Variants in ZNF131 observed in about 807,000 individuals in gnomAD.
ZNF131 encodes the protein zinc finger and BTB domain containing 35, also known as zinc finger protein 131.
Under a neutral mutation model 60.0 loss-of-function variants are expected in ZNF131, and 7 were observed. That is an observed-to-expected ratio of 0.12 (90% CI 0.07 to 0.22). The LOEUF (loss-of-function observed/expected upper bound fraction) is 0.22. Among genes scored for constraint, ZNF131 ranks in the 10% least tolerant of loss-of-function variants. ZNF131 has a pLI of 1.00. For synonymous variants in ZNF131, 257 were observed against 253.2 expected, an observed-to-expected ratio of 1.01 and a Z score of -0.14; for missense variants, 493 against 740.9, an observed-to-expected ratio of 0.67 and a Z score of 3.88.
intron 3 of ZNF131, among the ~76,000 whole-genome samples, chr5:43,135,856 G>A (rs764731823): frequency 3.9e-5 from 6 of 152,250 alleles, no homozygotes; most frequent in South Asian, 2.1e-4. Context: ...AGTGGCTCAC[G>A]CCTATAGTCC....
chr5:43,172,330 C>A (rs1405596746), intron 5 of ZNF131, among the ~76,000 whole-genome samples: 1 of 151,972 alleles, frequency 6.6e-6, no homozygotes, highest in African/African-American at 2.4e-5. Context: ...ATCACTTAAC[C>A]CCTAATTTGG....
intron 4 of ZNF131, among the ~76,000 whole-genome samples, chr5:43,157,789 G>A (rs1749142981): frequency 6.6e-6 from 1 of 152,192 alleles, no homozygotes; most frequent in Non-Finnish European, 1.5e-5. Context: ...CATCGTTTTT[G>A]CCTCTTCTGG....
intron 5 of ZNF131, among the ~76,000 whole-genome samples, chr5:43,169,801 T>C (rs1417485070): frequency 6.6e-6 from 1 of 152,020 alleles, no homozygotes; most frequent in Non-Finnish European, 1.5e-5. Flanking sequence ...TTTTCTTTTT[T>C]TTTTTTTGAG....
chr5:43,175,042 A>G lies in ZNF131; in HGVS notation c.1781A>G (p.Asp594Gly). ...AAEAAREDHEDAEDLETKPTV... is the reference protein window; with the variant it reads ...AAEAAREDHEGAEDLETKPTV... ...GAGGCTGCCAGGGAAGATCACGAAGATGCTGAGGATTTAGAGACCAAGCCA... is the reference window on the plus strand; with the variant it reads ...GAGGCTGCCAGGGAAGATCACGAAGGTGCTGAGGATTTAGAGACCAAGCCA... Residue 594 changes from aspartate (D) to glycine (G), a missense_variant, in exon 7 of 7, where the codon GAT (aspartate) becomes GGT (glycine). Asp to Gly is a moderately conservative substitution (Grantham distance 94). Transcript: ENST00000682664. The G allele has an allele frequency of 6.2e-7, 1 of 1,614,206 alleles. No homozygotes were observed. The highest frequency in any genetic ancestry group is 8.5e-7 in the Non-Finnish European group (1 of 1,180,038).
chr5:43,160,157 CAG>C (rs1250706117), intron 4 of ZNF131, among the ~76,000 whole-genome samples: 4 of 133,760 alleles, frequency 3.0e-5, no homozygotes, highest in Non-Finnish European at 6.4e-5. Context: ...GCCTGGGTGA[CAG>C]AGCGAGACTC....
intron 4 of ZNF131, among the ~76,000 whole-genome samples, chr5:43,148,944 G>A (rs954559664): frequency 2.6e-5 from 4 of 152,106 alleles, no homozygotes; most frequent in African/African-American, 9.7e-5. Flanking sequence ...GCATGTAATA[G>A]TATGGTAGTG....
At chr5:43,158,523 C>A (rs1010700528) in intron 4 of ZNF131, among the ~76,000 whole-genome samples, 1 of 152,230 alleles carries the variant, frequency 6.6e-6, no homozygotes, top group Admixed American at 6.5e-5. Flanking sequence ...CTCCTGACCT[C>A]AGTTGATCCT....
At chr5:43,154,522 A>G (rs974152067) in intron 4 of ZNF131, among the ~76,000 whole-genome samples, 11 of 152,188 alleles carry the variant, frequency 7.2e-5, no homozygotes, top group African/African-American at 2.7e-4. Flanking sequence ...AGTCGGAGAC[A>G]ATGCTCTGTG....
rs545468588 is a variant in ZNF131, at chr5:43,148,651, G to A, written c.371+9342G>A. ...TTAATAAAACGTTGACATAAAACATGCTACTACTGTTAGGCCAGAGTTTGC... is the reference window on the plus strand; with the variant it reads ...TTAATAAAACGTTGACATAAAACATACTACTACTGTTAGGCCAGAGTTTGC... On this transcript the variant is annotated intron_variant, in intron 4 of 6. Transcript: ENST00000682664. Among the ~76,000 whole-genome samples the A allele has an allele frequency of 7.9e-5, 12 of 152,294 alleles. No homozygotes were observed. The South Asian group carries it at 2.5e-3, about 32-fold the overall frequency.
intron 4 of ZNF131, chr5:43,143,280 C>T (rs1747100536): frequency 5.8e-6 from 5 of 863,854 alleles, no homozygotes; most frequent in African/African-American, 1.8e-5. Context: ...CTCTGCCTCC[C>T]AAAGTGCTGG....
chr5:43,142,355 T>A (rs887667604), intron 4 of ZNF131, among the ~76,000 whole-genome samples: 2 of 138,342 alleles, frequency 1.4e-5, no homozygotes, highest in African/African-American at 5.2e-5. Flanking sequence ...GACTGGAGAG[T>A]ACACTGGTGA....
chr5:43,129,811 C>T (rs963610546), intron 3 of ZNF131, among the ~76,000 whole-genome samples: 1 of 152,102 alleles, frequency 6.6e-6, no homozygotes, highest in Non-Finnish European at 1.5e-5. Context: ...CGTGCCACCA[C>T]GCCCGGCTAC....
intron 5 of ZNF131, chr5:43,167,949 C>G (rs1750561854): frequency 4.4e-6 from 2 of 453,022 alleles, no homozygotes; most frequent in Middle Eastern, 6.5e-4. Flanking sequence ...CTAAGAAGTT[C>G]ACTGTTATGA....
chr5:43,156,371 C>A (rs1270629153), intron 4 of ZNF131, among the ~76,000 whole-genome samples: 1 of 152,106 alleles, frequency 6.6e-6, no homozygotes, highest in Non-Finnish European at 1.5e-5. Flanking sequence ...TGCTTTCAGT[C>A]CCCTTTGGGA....
chr5:43,149,648 T>G (rs1748056218), intron 4 of ZNF131, among the ~76,000 whole-genome samples: 1 of 152,234 alleles, frequency 6.6e-6, no homozygotes, highest in African/African-American at 2.4e-5. Context: ...CATTTTACAT[T>G]CCATTCTGCA....
chr5:43,125,794 A>G (rs1302103902), intron 3 of ZNF131, among the ~76,000 whole-genome samples: 1 of 151,878 alleles, frequency 6.6e-6, no homozygotes, highest in Non-Finnish European at 1.5e-5. Context: ...GAAAAAAAAA[A>G]GGAAAAGTGG....
chr5:43,173,406 A>T lies in ZNF131; in HGVS notation c.1143A>T (p.Gly381=). The T allele has an allele frequency of 3.1e-6, 5 of 1,613,620 alleles. No individual in the cohort carries two copies. The highest frequency in any genetic ancestry group is 4.2e-6 in the Non-Finnish European group (5 of 1,179,632). The change falls in exon 6 of 7, where the codon GGA becomes GGT. Residue 381 remains glycine (G), a synonymous_variant. Transcript: ENST00000682664. ...GTCACCTCACTGCATGCCAAACTGG[A>T]GTAGGGGCAAAAAAAGGAAGGAAGA... ...LKCHLTACQT[G]VGAKKGRKKL... is the part of the protein sequence containing the mutation.
intron 4 of ZNF131, among the ~76,000 whole-genome samples, chr5:43,155,567 CAG>C (rs1392435568): frequency 6.6e-6 from 1 of 152,164 alleles, no homozygotes; most frequent in Non-Finnish European, 1.5e-5. Flanking sequence ...GAATGCACTG[CAG>C]TTCGATTGTT....
chr5:43,129,373 T>C (rs919151533), intron 3 of ZNF131, among the ~76,000 whole-genome samples: 1 of 151,530 alleles, frequency 6.6e-6, no homozygotes, highest in Non-Finnish European at 1.5e-5. Context: ...CACCCAGCCC[T>C]TGGTACCAGT....
Sources: gnomAD v4.1 joint callset for allele counts (sites outside exome capture counted in the v4.1 genomes callset) on GRCh38, gnomAD v4.1.1 for gene constraint, MANE v1.5 for transcripts, NCBI Gene and HGNC (gene_info 2026-07-23, HGNC 2026-07-21) for gene names.